Variants in CACNA1H observed in about 807,000 individuals in gnomAD.
CACNA1H encodes the protein voltage-dependent T-type calcium channel subunit alpha-1H.
A neutral mutation model predicts 192.5 loss-of-function variants in CACNA1H; 149 were observed. That is an observed-to-expected ratio of 0.77 (90% CI 0.68 to 0.89). CACNA1H has a LOEUF of 0.89. CACNA1H is among the 40% of genes least tolerant of loss of function. The pLI, the probability that CACNA1H is intolerant of heterozygous loss-of-function variation, is 0.00. For missense variants in CACNA1H, 4,257 were observed against 3,423.5 expected, an observed-to-expected ratio of 1.24 and a Z score of -6.08; for synonymous variants, 2,202 against 1,475.2, an observed-to-expected ratio of 1.49 and a Z score of -11.29.
chr16:1,200,481 C>G lies in CACNA1H; in HGVS notation c.1029C>G (p.Tyr343Ter), dbSNP rs375894182. Reference sequence around the variant, plus strand: ...ACGCCTGCATCAACTGGAACCAGTACTACAACGTGTGCCGCTCGGGTGACT... The same window carrying G: ...ACGCCTGCATCAACTGGAACCAGTAGTACAACGTGTGCCGCTCGGGTGACT... ...ARNACINWNQ[Y>*]YNVCRSGDSN... Residue 343 changes from tyrosine (Y) to a stop codon, truncating the protein, a stop_gained, in exon 7 of 35, where the codon TAC becomes TAG. Coordinates refer to ENST00000348261, the MANE Select transcript of CACNA1H (RefSeq NM_021098.3). LOFTEE classifies it high-confidence loss of function. 6.2e-7 allele frequency: 1 copy of G among 1,612,178 alleles called. No individual in the cohort carries two copies. The highest frequency in any genetic ancestry group is 2.2e-5 in the East Asian group (1 of 44,860).
chr16:1,204,509 C>A, intron 10 of CACNA1H, 51 bp downstream of exon 10: 1 of 1,427,590 alleles, frequency 7.0e-7, no homozygotes, highest in Non-Finnish European at 9.5e-7. Context: ...CTTGCAGGGC[C>A]TGGGGAGTCT....
intron 2 of CACNA1H, among the ~76,000 whole-genome samples, chr16:1,177,573 C>G (rs1307858915): frequency 6.6e-6 from 1 of 152,098 alleles, no homozygotes; most frequent in Non-Finnish European, 1.5e-5. Context: ...GAAGGGGCCC[C>G]CCAGGACAGG....
At chr16:1,199,990 G>A (rs746095561) in intron 6 of CACNA1H, among the ~76,000 whole-genome samples, 9 of 152,112 alleles carry the variant, frequency 5.9e-5, no homozygotes, top group Non-Finnish European at 1.0e-4. Context: ...TGTCTCTGTG[G>A]ACTTGGGCTG....
In CACNA1H at chr16:1,189,913, G is replaced by A. The variant is rs1966449559; in HGVS notation, c.300-5059G>A. ...GCCCAGTCCAGTGGGGGCTGCCTGG[G>A]GAACATGTCATCCAGGCCAGACTCC... On this transcript the variant is annotated intron_variant, in intron 2 of 34. Transcript: ENST00000348261. 3.9e-5 allele frequency among the ~76,000 whole-genome samples: 6 copies of A among 152,236 alleles called. No individual in the cohort carries two copies. In the South Asian group the frequency reaches 1.2e-3, roughly 32 times the overall value.
chr16:1,203,144 C>T (rs1356456445), intron 9 of CACNA1H, among the ~76,000 whole-genome samples: 5 of 152,172 alleles, frequency 3.3e-5, no homozygotes, highest in Admixed American at 6.5e-5. Context: ...CCCTCATGCG[C>T]TGGTACCCAG....
rs1358341710 is a variant in CACNA1H at position 1,185,033 on chromosome 16, A to G, written c.300-9939A>G. 1.2e-4 allele frequency among the ~76,000 whole-genome samples: 19 copies of G among 152,280 alleles called. 1 individual carries two copies. The highest frequency in any genetic ancestry group is 1.2e-3 in the Admixed American group (18 of 15,300). ...TCCAGAAGGAAACCGCATCCCCATC[A>G]GCCCTCGCTGCCCAGCCCTGGTGGT... On this transcript the variant is annotated intron_variant, in intron 2 of 34. Coordinates refer to ENST00000348261, the MANE Select transcript of CACNA1H (RefSeq NM_021098.3).
Position 1,202,380 on chromosome 16 carries a change from G to C in CACNA1H, c.1930G>C (p.Gly644Arg), listed in dbSNP as rs761227158. Residue 644 changes from glycine to arginine, a missense_variant, in exon 9 of 35, where the codon GGG becomes CGG. Coordinates refer to ENST00000348261, the MANE Select transcript of CACNA1H (RefSeq NM_021098.3). ...GKWAGGPPGT[G>R]GHGPLSLNSP... The stretch of plus-strand genomic sequence containing the variant: ...GTGGGCCGGTGGACCGCCAGGCACC[G>C]GGGGGCACGGCCCGTTGAGCTTGAA... 8.4e-6 allele frequency: 13 copies of C among 1,549,752 alleles called. No homozygotes were observed. Among genetic ancestry groups the C allele is most frequent in the South Asian group, 2.4e-5 (2 of 83,534 alleles).
In CACNA1H at chr16:1,195,434, CT is replaced by C; in HGVS notation, c.417del (p.Phe139LeufsTer45). On this transcript the variant is annotated frameshift_variant, in exon 4 of 35. Transcript: ENST00000348261. LOFTEE classifies it high-confidence loss of function. ...CCTCCTGATGCCTCCTCCCGCAGGC[CT>C]TTGACGCCTTCATTTTCGCCTTTTT... is the stretch of plus-strand genomic sequence containing the variant. ...GSERCNILEA[F>X]DAFIFAFFAV... is the part of the protein sequence containing the mutation. 1 of 1,552,824 alleles carries C rather than the reference CT, an allele frequency of 6.4e-7. No homozygotes were observed. The highest frequency in any genetic ancestry group is 8.7e-7 in the Non-Finnish European group (1 of 1,147,674).
chr16:1,203,324 G>T (rs184731089), intron 9 of CACNA1H, among the ~76,000 whole-genome samples: 1 of 152,174 alleles, frequency 6.6e-6, no homozygotes, highest in Admixed American at 6.5e-5. Context: ...TGGTTTGCTC[G>T]CATCGAGTCA....
chr16:1,201,587 C>G, intron 8 of CACNA1H, 76 bp from the exon 9 acceptor site: 2 of 1,468,568 alleles, frequency 1.4e-6, no homozygotes, highest in Non-Finnish European at 9.1e-7. Context: ...CTCGAACAGG[C>G]AGCGCACAGT....
intron 2 of CACNA1H, among the ~76,000 whole-genome samples, chr16:1,170,525 G>A (rs949125570): frequency 2.0e-5 from 3 of 152,214 alleles, no homozygotes; most frequent in African/African-American, 7.2e-5. Context: ...ACCGGCCTGC[G>A]GACCCCCACA....
rs1178304708 is a variant in CACNA1H, at chr16:1,198,787, CA to C, written c.803+14del. ...GTGCCTTTGTCAGGTGCCCAGGCCC[CA>C]CCCCCGTGAGGCCCCTGCCCAGATG... On this transcript the variant is annotated intron_variant, in intron 6 of 34. Coordinates refer to ENST00000348261, the MANE Select transcript of CACNA1H (RefSeq NM_021098.3). The C allele has an allele frequency of 2.5e-6, 4 of 1,604,306 alleles. No homozygotes were observed. Among genetic ancestry groups the C allele is most frequent in the Non-Finnish European group, 3.4e-6 (4 of 1,176,650 alleles).
At chr16:1,188,135 C>T (rs1362978189) in intron 2 of CACNA1H, among the ~76,000 whole-genome samples, 2 of 152,218 alleles carry the variant, frequency 1.3e-5, no homozygotes, top group African/African-American at 2.4e-5. Flanking sequence ...AGGCTCTTGC[C>T]CCATGGCCCT....
intron 17 of CACNA1H, 144 bp from the exon 18 acceptor site, chr16:1,209,891 A>C (rs1655796676): frequency 6.1e-6 from 4 of 651,532 alleles, no homozygotes; most frequent in Admixed American, 2.9e-5. Flanking sequence ...AGAAAGCCAG[A>C]GCCCAAAGGC....
In CACNA1H at chr16:1,215,504, G is replaced by T. The variant is rs576695857; in HGVS notation, c.5174-19G>T. On this transcript the variant is annotated intron_variant, in intron 29 of 34. Transcript: ENST00000348261. ...GGAGGGTCCGCCCAGCCCTGCTGACGCTCAGCTCCCGGCCCTAGTGCTGAA... is the reference window on the plus strand; with the variant it reads ...GGAGGGTCCGCCCAGCCCTGCTGACTCTCAGCTCCCGGCCCTAGTGCTGAA... 3 of 1,609,134 alleles carry T rather than the reference G, an allele frequency of 1.9e-6. No homozygotes were observed. Among genetic ancestry groups the T allele is most frequent in the Non-Finnish European group, 1.7e-6 (2 of 1,178,564 alleles).
intron 2 of CACNA1H, among the ~76,000 whole-genome samples, chr16:1,181,534 C>T (rs1232141354): frequency 2.0e-5 from 3 of 152,236 alleles, no homozygotes; most frequent in African/African-American, 7.2e-5. Context: ...TCAAGCTTCC[C>T]GCAGGCACGG....
chr16:1,163,401 G>T (rs1273118024), intron 2 of CACNA1H, among the ~76,000 whole-genome samples: 1 of 152,246 alleles, frequency 6.6e-6, no homozygotes, highest in Non-Finnish European at 1.5e-5. Flanking sequence ...TGCTGGTCTG[G>T]CCTGGGAGTG....
intron 33 of CACNA1H, 132 bp from the exon 34 acceptor site, chr16:1,218,838 A>T: frequency 9.2e-7 from 1 of 1,089,604 alleles, no homozygotes; most frequent in Non-Finnish European, 1.3e-6. Context: ...TGGGCAGGTG[A>T]GAGAGAGGAC....
Position 1,200,382 on chromosome 16 carries a change from G to A in CACNA1H, c.930G>A (p.Glu310=), listed in dbSNP as rs1967698727. The change falls in exon 7 of 35, where the codon GAG becomes GAA. Residue 310 remains glutamate (E), a synonymous_variant. Transcript: ENST00000348261. ...GCTCGCACATCCCCGGCCGCCGCGA[G>A]CTGCGCATGCCCTGCACCCTGGGCT... ...QKCSHIPGRR[E]LRMPCTLGWE... The A allele has an allele frequency of 6.2e-7, 1 of 1,603,866 alleles. No individual in the cohort carries two copies.
Sources: allele counts gnomAD v4.1 joint callset (sites outside exome capture counted in the v4.1 genomes callset), GRCh38; gene constraint gnomAD v4.1.1; transcripts MANE v1.5; gene names NCBI Gene and HGNC (gene_info 2026-07-23, HGNC 2026-07-21).